The following UNC13A variants were observed in gnomAD, a reference collection of about 807,000 sequenced individuals.
UNC13A encodes protein unc-13 homolog A.
A neutral mutation model predicts 219.7 loss-of-function variants in UNC13A; 61 were observed. That is an observed-to-expected ratio of 0.28 (90% confidence interval 0.23 to 0.34). The LOEUF (loss-of-function observed/expected upper bound fraction) is 0.34, where lower values mean the gene tolerates loss of function less well. Among genes scored for constraint, UNC13A ranks in the 10% least tolerant of loss-of-function variants. The pLI, the probability that UNC13A is intolerant of heterozygous loss-of-function variation, is 1.00. For synonymous variants in UNC13A, 920 were observed against 884.6 expected (o/e 1.04, Z -0.71); for missense variants, 1,476 against 2,270.3 (o/e 0.65, Z 7.11).
chr19:17,609,993 C>A lies in UNC13A; in HGVS notation c.4758G>T (p.Ala1586=). 6.2e-7 allele frequency: 1 copy of A among 1,613,996 alleles called. No individual in the cohort carries two copies. Among genetic ancestry groups the A allele is most frequent in the Non-Finnish European group, 8.5e-7 (1 of 1,179,896 alleles). Residue 1586 remains alanine (A), a synonymous_variant, in exon 43 of 44, where the codon GCG becomes GCT. Coordinates refer to ENST00000519716, the MANE Select transcript of UNC13A (RefSeq NM_001080421.3). ...PQLSDKKRKF[A]TKSKNNSWAP... is the part of the protein sequence containing the mutation. ...CCCAGCTATTGTTCTTGGATTTGGT[C>A]GCAAACTTGCGTTTCTTGTCGCTGA...
intron 10 of UNC13A, among the ~76,000 whole-genome samples, 185 bp downstream of exon 10, chr19:17,655,698 C>T (rs1167313690): frequency 3.3e-5 from 5 of 152,136 alleles, no homozygotes; most frequent in African/African-American, 7.2e-5. Flanking sequence ...GTCTCCTTCA[C>T]GGCCCCTTGA....
At chr19:17,639,282 C>T (rs972712374) in intron 24 of UNC13A, 65 bp from the exon 25 acceptor site, 5 of 1,603,448 alleles carry the variant, frequency 3.1e-6, no homozygotes, top group South Asian at 1.1e-5. Context: ...GAAGTGACTG[C>T]GAGTCATTTT....
intron 10 of UNC13A, among the ~76,000 whole-genome samples, chr19:17,655,638 A>G (rs570106674): frequency 1.3e-5 from 2 of 149,514 alleles, no homozygotes; most frequent in Non-Finnish European, 3.0e-5. Flanking sequence ...CCATTTGCCC[A>G]GGATCTTGAC....
rs2079997096 is a variant in UNC13A, at chr19:17,680,884, C to CT, written c.23-4844dup. On this transcript the variant is annotated intron_variant, in intron 1 of 43. Transcript: ENST00000519716. ...TCTTCTTCTTCTTTTTTTTTCTTTTCTTTTCTTTTTTTTTTTTTTTTTTTT... is the reference window on the plus strand; with the variant it reads ...TCTTCTTCTTCTTTTTTTTTCTTTTCTTTTTCTTTTTTTTTTTTTTTTTTTT... 2.9e-4 allele frequency among the ~76,000 whole-genome samples: 20 copies of CT among 69,498 alleles called. 1 individual carries two copies. The highest frequency in any genetic ancestry group is 1.1e-3 in the African/African-American group (18 of 16,882). The allele number at this position is 69,498 out of a possible 152,430, so 45.6% of individuals were successfully genotyped here. A position where few individuals can be genotyped will look rare whatever the true frequency, so the allele number is the denominator to read the frequency against.
At chr19:17,669,415 C>T (rs1599403332) in intron 5 of UNC13A, 138 bp downstream of exon 5, 2 of 1,273,974 alleles carry the variant, frequency 1.6e-6, no homozygotes, top group African/African-American at 3.0e-5. Context: ...AACTCTCTCT[C>T]CTCCGGGGCG....
At chr19:17,626,491 T>C in intron 34 of UNC13A, 142 bp downstream of exon 34, 1 of 872,046 alleles carries the variant, frequency 1.1e-6, no homozygotes, top group Non-Finnish European at 1.6e-6. Flanking sequence ...ATCCCCTTCA[T>C]GCCACCATCT....
At chr19:17,646,336 C>T (rs1459818656) in intron 17 of UNC13A, among the ~76,000 whole-genome samples, 1 of 152,066 alleles carries the variant, frequency 6.6e-6, no homozygotes, top group African/African-American at 2.4e-5. Context: ...GGAGTGCAAC[C>T]TCCGCCTCCC....
In UNC13A at chr19:17,602,558, GCT is replaced by G. The variant is rs1425512540; in HGVS notation, c.*3494_*3495del. The G allele has an allele frequency of 1.3e-5, 2 of 152,304 alleles. No individual in the cohort carries two copies. Among genetic ancestry groups the G allele is most frequent in the African/African-American group, 4.8e-5 (2 of 41,450 alleles). The allele number at this position is 152,304 out of a possible 1,614,324, so 9.4% of individuals were successfully genotyped here. ...CCCTGGAGGTGTCATCCAAGGCCGG[GCT>G]CTGTGTCCACTTGCTGGGTGGCGTT... is the stretch of plus-strand genomic sequence containing the variant. On this transcript the variant is annotated 3_prime_UTR_variant, in exon 44 of 44. Transcript: ENST00000519716.
intron 8 of UNC13A, 98 bp from the exon 9 acceptor site, chr19:17,658,367 G>A (rs1265745438): frequency 6.7e-6 from 8 of 1,195,626 alleles, no homozygotes; most frequent in Non-Finnish European, 9.6e-6. Flanking sequence ...CGCTACCGAA[G>A]AAGAGAATTT....
At position 17,601,525 on chromosome 19, in the gene UNC13A, G is replaced by T. The variant is rs1173331946; in HGVS notation, c.*4529C>A. 1 of 152,500 alleles carries T rather than the reference G, an allele frequency of 6.6e-6. No homozygotes were observed. The highest frequency in any genetic ancestry group is 2.4e-5 in the African/African-American group (1 of 41,412). The allele number at this position is 152,500 out of a possible 1,614,324, so 9.4% of individuals were successfully genotyped here. ...GTCTGTGCAGACACTGGACCGACGG[G>T]GTAGAATCAAAACAAAACAAAAAAC... is the stretch of plus-strand genomic sequence containing the variant. On this transcript the variant is annotated 3_prime_UTR_variant, in exon 44 of 44. Transcript: ENST00000519716.
At chr19:17,687,060 G>A (rs1408048085) in intron 1 of UNC13A, among the ~76,000 whole-genome samples, 1 of 152,170 alleles carries the variant, frequency 6.6e-6, no homozygotes, top group African/African-American at 2.4e-5. Flanking sequence ...CTCTGTAGGC[G>A]TGGAACGGCG....
intron 9 of UNC13A, among the ~76,000 whole-genome samples, chr19:17,657,602 T>G (rs1269524211): frequency 1.3e-5 from 2 of 152,130 alleles, no homozygotes; most frequent in Admixed American, 6.6e-5. Flanking sequence ...CCTCCAATCT[T>G]AGCGCCTGAG....
intron 24 of UNC13A, 99 bp downstream of exon 24, chr19:17,639,337 A>G: frequency 6.4e-7 from 1 of 1,565,334 alleles, no homozygotes; most frequent in African/African-American, 1.4e-5. Flanking sequence ...GGTTACTGAG[A>G]AAGGCTGCCA....
At chr19:17,634,765 G>T (rs936995331) in intron 26 of UNC13A, among the ~76,000 whole-genome samples, 4 of 152,144 alleles carry the variant, frequency 2.6e-5, no homozygotes, top group Non-Finnish European at 1.5e-5. Context: ...GCGCAATCTC[G>T]ACTCACTGCA....
At position 17,666,774 on chromosome 19, in the gene UNC13A, T is replaced by C. The variant is rs188839401; in HGVS notation, c.469-70A>G. 293 of 1,281,218 alleles carry C rather than the reference T, an allele frequency of 2.3e-4. 2 individuals are homozygous for C. The African/African-American group carries it at 4.0e-3, about 18-fold the overall frequency. The allele number at this position is 1,281,218 out of a possible 1,614,324, so 79.4% of individuals were successfully genotyped here. On this transcript the variant is annotated intron_variant, in intron 6 of 43. Transcript: ENST00000519716. The stretch of plus-strand genomic sequence containing the variant: ...AAAGGCCAGGGGACCAGGATAGTCC[T>C]CTGTTCTGTCCCATCCCGACTTCCC...
At chr19:17,626,599 C>T (rs1174200994) in intron 34 of UNC13A, 34 bp downstream of exon 34, 3 of 1,512,142 alleles carry the variant, frequency 2.0e-6, no homozygotes, top group East Asian at 2.5e-5. Flanking sequence ...CCCAGCCCCT[C>T]CCCGGCCAGC....
intron 26 of UNC13A, among the ~76,000 whole-genome samples, chr19:17,635,677 A>G (rs2076905862): frequency 6.6e-6 from 1 of 152,206 alleles, no homozygotes; most frequent in Non-Finnish European, 1.5e-5. Flanking sequence ...TAAATGTATG[A>G]TATGTATTAG....
chr19:17,672,852 C>A (rs146842913), intron 3 of UNC13A, among the ~76,000 whole-genome samples: 4 of 152,250 alleles, frequency 2.6e-5, no homozygotes, highest in Non-Finnish European at 5.9e-5. Flanking sequence ...CCCTCCATAG[C>A]TCCCTTTACC....
chr19:17,605,667 T>G lies in UNC13A; in HGVS notation c.*387A>C, dbSNP rs1010147928. On this transcript the variant is annotated 3_prime_UTR_variant, in exon 44 of 44. Coordinates refer to ENST00000519716, the MANE Select transcript of UNC13A (RefSeq NM_001080421.3). The stretch of plus-strand genomic sequence containing the variant: ...GGCAATTGGTCTGGGGTCCCAGGGG[T>G]CTGGGTCCCATCTTATGGCTTTTCC... 1 of 184,448 alleles carries G rather than the reference T, an allele frequency of 5.4e-6. No individual in the cohort carries two copies. The highest frequency in any genetic ancestry group is 1.1e-5 in the Non-Finnish European group (1 of 89,990). 11.4% of individuals were successfully genotyped at this position (184,448 alleles called of 1,614,324 possible).
Sources: allele counts gnomAD v4.1 joint callset (sites outside exome capture counted in the v4.1 genomes callset), GRCh38; gene constraint gnomAD v4.1.1; transcripts MANE v1.5; gene names NCBI Gene and HGNC (gene_info 2026-07-23, HGNC 2026-07-21).